Variants in HS6ST3 observed in about 807,000 individuals in gnomAD.
HS6ST3 encodes the protein heparan sulfate 6-O-sulfotransferase 3.
HS6ST3 carries 12 observed loss-of-function variants against 36.7 expected under a neutral mutation model. The observed-to-expected ratio is 0.33, with a 90% CI of 0.21 to 0.53. The LOEUF (loss-of-function observed/expected upper bound fraction) is 0.53. Ranked by LOEUF, HS6ST3 falls within the 20% of genes least tolerant of loss-of-function variation. The pLI, the probability that HS6ST3 is intolerant of heterozygous loss-of-function variation, is 0.95. For synonymous variants in HS6ST3, 240 were observed against 257.5 expected (o/e 0.93, Z 0.65); for missense variants, 584 against 640.9 (o/e 0.91, Z 0.96).
chr13:96,455,807 A>G (rs1349006904), intron 1 of HS6ST3, among the ~76,000 whole-genome samples: 2 of 152,206 alleles, frequency 1.3e-5, no homozygotes, highest in Non-Finnish European at 2.9e-5. Context: ...TTAGCTAAAG[A>G]CTTTACAACA....
chr13:96,111,395 A>G (rs1344044692), intron 1 of HS6ST3, among the ~76,000 whole-genome samples: 2 of 152,252 alleles, frequency 1.3e-5, no homozygotes, highest in Admixed American at 6.5e-5. Flanking sequence ...ACTAAAACCA[A>G]TGAAAAGGAA....
chr13:96,146,914 T>A (rs1360879584), intron 1 of HS6ST3, among the ~76,000 whole-genome samples: 2 of 152,214 alleles, frequency 1.3e-5, no homozygotes, highest in African/African-American at 2.4e-5. Context: ...GAAGGTGGTA[T>A]TGACTTGGAG....
At chr13:96,751,125 G>C (rs959877021) in intron 1 of HS6ST3, among the ~76,000 whole-genome samples, 2 of 152,164 alleles carry the variant, frequency 1.3e-5, no homozygotes, top group Middle Eastern at 3.4e-3. Flanking sequence ...AAAACATATA[G>C]AGATATGCTT....
At chr13:96,216,058 A>G (rs1238264435) in intron 1 of HS6ST3, among the ~76,000 whole-genome samples, 1 of 152,184 alleles carries the variant, frequency 6.6e-6, no homozygotes, top group Non-Finnish European at 1.5e-5. Flanking sequence ...GTAAACATGG[A>G]TAAGTTCTTT....
At chr13:96,832,089 CA>C (rs1402602854) in intron 1 of HS6ST3, among the ~76,000 whole-genome samples, 1 of 151,498 alleles carries the variant, frequency 6.6e-6, no homozygotes, top group Non-Finnish European at 1.5e-5. Context: ...CCCCATCTAC[CA>C]AAAAGGTTTG....
intron 1 of HS6ST3, among the ~76,000 whole-genome samples, chr13:96,195,584 A>G (rs916041750): frequency 6.6e-6 from 1 of 152,150 alleles, no homozygotes; most frequent in Admixed American, 6.5e-5. Context: ...TGATGTAAAC[A>G]TGGCCCTGGG....
chr13:96,410,695 G>A (rs924173305), intron 1 of HS6ST3, among the ~76,000 whole-genome samples: 2 of 152,130 alleles, frequency 1.3e-5, no homozygotes, highest in African/African-American at 2.4e-5. Flanking sequence ...TTTAAATATA[G>A]TATTCAATGA....
intron 1 of HS6ST3, among the ~76,000 whole-genome samples, chr13:96,663,105 G>A (rs571299229): frequency 7.2e-5 from 11 of 152,244 alleles, no homozygotes; most frequent in Non-Finnish European, 1.0e-4. Flanking sequence ...ATGAGTACAG[G>A]CACCAGCCCT....
chr13:96,307,199 G>A (rs2054917983), intron 1 of HS6ST3, among the ~76,000 whole-genome samples: 1 of 152,128 alleles, frequency 6.6e-6, no homozygotes, highest in African/African-American at 2.4e-5. Flanking sequence ...GAAAGAAAGT[G>A]TGCTCTCTAA....
At chr13:96,336,048 T>G (rs991223947) in intron 1 of HS6ST3, among the ~76,000 whole-genome samples, 5 of 152,180 alleles carry the variant, frequency 3.3e-5, no homozygotes, top group African/African-American at 1.2e-4. Flanking sequence ...CATCTGTTAA[T>G]AAGGTGAGAG....
intron 1 of HS6ST3, among the ~76,000 whole-genome samples, chr13:96,484,850 G>T (rs2055906489): frequency 6.6e-6 from 1 of 152,024 alleles, no homozygotes; most frequent in Non-Finnish European, 1.5e-5. Context: ...CATTTCCTTT[G>T]GATGTATGTG....
chr13:96,373,426 G>A (rs2055299704), intron 1 of HS6ST3, among the ~76,000 whole-genome samples: 1 of 152,094 alleles, frequency 6.6e-6, no homozygotes, highest in African/African-American at 2.4e-5. Flanking sequence ...TATGTATTTT[G>A]TTAAATGATG....
chr13:96,236,084 C>T (rs1388345480), intron 1 of HS6ST3, among the ~76,000 whole-genome samples: 5 of 152,072 alleles, frequency 3.3e-5, no homozygotes, highest in South Asian at 2.1e-4. Context: ...ACTTGGAGTC[C>T]GATGTTTGAT....
At chr13:96,133,684 A>G (rs2053987376) in intron 1 of HS6ST3, among the ~76,000 whole-genome samples, 1 of 152,206 alleles carries the variant, frequency 6.6e-6, no homozygotes, top group African/African-American at 2.4e-5. Context: ...TGGCCTCCCA[A>G]AGTGCTGGGA....
At chr13:96,823,180 G>C (rs1878572596) in intron 1 of HS6ST3, among the ~76,000 whole-genome samples, 1 of 152,180 alleles carries the variant, frequency 6.6e-6, no homozygotes, top group Non-Finnish European at 1.5e-5. Context: ...ACTGTGCCTG[G>C]ATACTATTGG....
At chr13:96,421,141 CAA>C (rs1232790774) in intron 1 of HS6ST3, among the ~76,000 whole-genome samples, 1 of 152,018 alleles carries the variant, frequency 6.6e-6, no homozygotes, top group Non-Finnish European at 1.5e-5. Context: ...ATGTTAACAT[CAA>C]TATTAACAAA....
chr13:96,273,227 A>G (rs2054730006), intron 1 of HS6ST3, among the ~76,000 whole-genome samples: 1 of 151,936 alleles, frequency 6.6e-6, no homozygotes, highest in South Asian at 2.1e-4. Flanking sequence ...ATGATGAGGT[A>G]GGGCTATGGC....
At chr13:96,718,809 C>T (rs956076728) in intron 1 of HS6ST3, among the ~76,000 whole-genome samples, 1 of 152,088 alleles carries the variant, frequency 6.6e-6, no homozygotes, top group Non-Finnish European at 1.5e-5. Flanking sequence ...CTGCATTAGC[C>T]ATTGTGACTA....
chr13:96,284,910 G>GCTTT (rs71740033), intron 1 of HS6ST3, among the ~76,000 whole-genome samples: 7,133 of 134,258 alleles, frequency 0.053, 256 homozygotes, highest in East Asian at 0.066. Context: ...ATGCATATTT[G>GCTTT]CTTTCTTTCT....
Sources: gnomAD v4.1 joint callset for allele counts (sites outside exome capture counted in the v4.1 genomes callset) on GRCh38, gnomAD v4.1.1 for gene constraint, MANE v1.5 for transcripts, NCBI Gene and HGNC (gene_info 2026-07-23, HGNC 2026-07-21) for gene names.